Variants in SREK1 observed in about 807,000 individuals in gnomAD.
The protein encoded by SREK1 is splicing regulatory glutamic acid and lysine rich protein 1.
In SREK1, 13 loss-of-function variants were observed where a neutral mutation model predicts 66.5. That is an observed-to-expected ratio of 0.20 (90% CI 0.13 to 0.31). SREK1 has a LOEUF of 0.31. SREK1 is among the 10% of genes least tolerant of loss of function. The probability of loss-of-function intolerance (pLI) is 1.00; values close to 1 mark genes in which losing one functional copy is unlikely to be tolerated. For synonymous variants in SREK1, 265 were observed against 263.5 expected (o/e 1.01, Z -0.05); for missense variants, 607 against 769.6 (o/e 0.79, Z 2.50).
In SREK1 at chr5:66,179,125, A is replaced by T. The variant is rs914267329; in HGVS notation, c.*257A>T. 2 of 280,122 alleles carry T rather than the reference A, an allele frequency of 7.1e-6. No homozygotes were observed. Among genetic ancestry groups the T allele is most frequent in the Non-Finnish European group, 1.3e-5 (2 of 150,412 alleles). 17.4% of individuals were successfully genotyped at this position (280,122 alleles called of 1,614,324 possible). On this transcript the variant is annotated 3_prime_UTR_variant, in exon 12 of 12. Coordinates refer to ENST00000334121, the MANE Select transcript of SREK1 (RefSeq NM_001077199.3). ...TTCCATGGTGGCTGACACACTTGTCATGTGGTCTGTTAGTGTTTGCCAAGA... is the reference window on the plus strand; with the variant it reads ...TTCCATGGTGGCTGACACACTTGTCTTGTGGTCTGTTAGTGTTTGCCAAGA...
intron 3 of SREK1, among the ~76,000 whole-genome samples, chr5:66,160,711 T>C (rs1744683793): frequency 1.3e-5 from 2 of 152,246 alleles, no homozygotes; most frequent in Admixed American, 6.5e-5. Context: ...GTGACATTGA[T>C]TTCATAAACT....
intron 1 of SREK1, chr5:66,144,801 C>T: frequency 1.7e-6 from 2 of 1,177,968 alleles, no homozygotes; most frequent in Non-Finnish European, 2.1e-6. Context: ...CTTGTGTTCG[C>T]TGCTGGGTCT....
chr5:66,170,474 T>G, intron 8 of SREK1, 111 bp from the exon 9 acceptor site: 1 of 1,325,732 alleles, frequency 7.5e-7, no homozygotes, highest in South Asian at 1.5e-5. Flanking sequence ...TATGTAAATG[T>G]CTGTAGGTAC....
At chr5:66,173,635 G>A (rs27655) in intron 9 of SREK1, among the ~76,000 whole-genome samples, 12,421 of 152,120 alleles carry the variant, frequency 0.082, 631 homozygotes, top group East Asian at 0.27. Flanking sequence ...TCTCATTATC[G>A]TCAGCTAGTA....
intron 4 of SREK1, 57 bp downstream of exon 4, chr5:66,162,330 A>G (rs1408110311): frequency 1.2e-6 from 2 of 1,605,588 alleles, no homozygotes; most frequent in Non-Finnish European, 1.7e-6. Context: ...TTCTCTTCTT[A>G]AAAATCATAT....
chr5:66,144,414 T>C lies in SREK1; in HGVS notation c.38T>C (p.Phe13Ser). The C allele has an allele frequency of 6.4e-7, 1 of 1,551,382 alleles. No individual in the cohort carries two copies. The highest frequency in any genetic ancestry group is 8.7e-7 in the Non-Finnish European group (1 of 1,146,854). ...GGCGGCTTCGGTTTGGGCTTAGGCT[T>C]CGGCCTCACCCCCACGTCGGTGATT... ...SGGGFGLGLG[F>S]GLTPTSVIQV... The change falls in exon 1 of 12, where the codon TTC becomes TCC. Residue 13 changes from phenylalanine to serine, a missense_variant. Physicochemically the swap from Phe to Ser is radical, Grantham distance 155 (BLOSUM62 -2). Transcript: ENST00000334121.
intron 1 of SREK1, 200 bp downstream of exon 1, chr5:66,144,737 G>A (rs967217651): frequency 1.4e-5 from 18 of 1,268,410 alleles, no homozygotes; most frequent in Non-Finnish European, 1.8e-5. Context: ...GTTAACTACT[G>A]CACGGAGCCC....
chr5:66,177,447 T>C, intron 10 of SREK1, 67 bp from the exon 11 acceptor site: 1 of 1,258,110 alleles, frequency 7.9e-7, no homozygotes, highest in Non-Finnish European at 1.1e-6. Flanking sequence ...GAAAAGGATA[T>C]TTTGTCAAGA....
intron 1 of SREK1, among the ~76,000 whole-genome samples, chr5:66,146,139 C>CA (rs1185494950): frequency 6.6e-6 from 1 of 152,078 alleles, no homozygotes; most frequent in Non-Finnish European, 1.5e-5. Context: ...TGCTTTCAGC[C>CA]ATCTCAATTT....
At chr5:66,156,184 C>T (rs1349553916) in intron 2 of SREK1, 11 of 1,312,104 alleles carry the variant, frequency 8.4e-6, no homozygotes, top group Non-Finnish European at 9.7e-6. Context: ...GAGTCTGAAC[C>T]GCAGAAGATG....
chr5:66,167,127 G>C (rs189600919), intron 7 of SREK1: 5 of 152,204 alleles, frequency 3.3e-5, no homozygotes, highest in African/African-American at 1.2e-4. Flanking sequence ...ATTTTCAAAT[G>C]CTTCTAGAGC....
chr5:66,175,153 T>C (rs1484546170), intron 10 of SREK1, 112 bp downstream of exon 10: 6 of 814,772 alleles, frequency 7.4e-6, no homozygotes, highest in Non-Finnish European at 1.1e-5. Flanking sequence ...GAATAATACA[T>C]ATGCATTATT....
chr5:66,159,173 G>A, intron 2 of SREK1, 46 bp from the exon 3 acceptor site: 1 of 1,577,378 alleles, frequency 6.3e-7, no homozygotes, highest in Non-Finnish European at 8.6e-7. Context: ...TGTAAAGTTT[G>A]TGTGGTGTTT....
At chr5:66,159,857 G>A (rs914857668) in intron 3 of SREK1, among the ~76,000 whole-genome samples, 5 of 152,316 alleles carry the variant, frequency 3.3e-5, no homozygotes, top group East Asian at 1.9e-4. Flanking sequence ...ACGGCCAGGC[G>A]CGGTGGCTCA....
At chr5:66,157,501 C>T (rs1485958354) in intron 2 of SREK1, 1 of 984,968 alleles carries the variant, frequency 1.0e-6, no homozygotes, top group Admixed American at 6.2e-5. Flanking sequence ...TTTTACAAAC[C>T]TTTTGAGATA....
In SREK1 at chr5:66,181,360, A is replaced by C. The variant is rs1580690531; in HGVS notation, c.*2492A>C. On this transcript the variant is annotated 3_prime_UTR_variant, in exon 12 of 12. Coordinates refer to ENST00000334121, the MANE Select transcript of SREK1 (RefSeq NM_001077199.3). ...TGAGACATACTTTCTCTGTTCACTT[A>C]AAAGAGCTCATGTTTTCATTTGTTT... The C allele has an allele frequency of 1.3e-5, 2 of 152,272 alleles. No homozygotes were observed. Among genetic ancestry groups the C allele is most frequent in the African/African-American group, 4.8e-5 (2 of 41,572 alleles). The allele number at this position is 152,272 out of a possible 1,614,324, so 9.4% of individuals were successfully genotyped here. A position where few individuals can be genotyped will look rare whatever the true frequency, so the allele number is the denominator to read the frequency against.
intron 1 of SREK1, chr5:66,144,899 CAG>C (rs1561489023): frequency 2.0e-6 from 2 of 1,003,894 alleles, no homozygotes; most frequent in Non-Finnish European, 2.4e-6. Context: ...GCAAACGTCT[CAG>C]AGCGTTTTTC....
At position 66,144,524 on chromosome 5, in the gene SREK1, C is replaced by G. The variant is rs1470436517; in HGVS notation, c.148C>G (p.Leu50Val). ...CCTAGGAGAAATCGAGGAGCTGCGG[C>G]TCTACCCCCCGGAGTAAGTGCTGGA... ...SFLGEIEELR[L>V]YPPDNAPLAF... Residue 50 changes from leucine (L) to valine (V), a missense_variant, in exon 1 of 12, where the codon CTC (leucine) becomes GTC (valine). Physicochemically the swap from Leu to Val is conservative, Grantham distance 32. Around this residue, in one of 5 missense-constraint regions of SREK1, gnomAD observed 75 missense variants for 72.9 expected, o/e 1.03. Coordinates refer to ENST00000334121, the MANE Select transcript of SREK1 (RefSeq NM_001077199.3). The G allele has an allele frequency of 6.4e-7, 1 of 1,552,504 alleles. No individual in the cohort carries two copies.
At chr5:66,161,995 T>C in intron 3 of SREK1, 114 bp from the exon 4 acceptor site, 2 of 1,248,564 alleles carry the variant, frequency 1.6e-6, no homozygotes, top group Non-Finnish European at 2.2e-6. Context: ...TCGGAGTCCC[T>C]AGTCTCCTTT....
Sources: gnomAD v4.1 joint callset for allele counts (sites outside exome capture counted in the v4.1 genomes callset) on GRCh38, gnomAD v4.1.1 for gene constraint, gnomAD v4.1.1 regional missense constraint, MANE v1.5 for transcripts, NCBI Gene and HGNC (gene_info 2026-07-23, HGNC 2026-07-21) for gene names.